The following DNAI2 variants were observed in gnomAD, a reference collection of about 807,000 sequenced individuals.
DNAI2 encodes dynein axonemal intermediate chain 2.
Under a neutral mutation model 74.7 loss-of-function variants are expected in DNAI2, and 63 were observed. The ratio of observed to expected loss-of-function variants is 0.84; its 90% CI spans 0.69 to 1.04. DNAI2 has a LOEUF of 1.04. DNAI2 is among the 50% of genes least tolerant of loss of function. DNAI2 has a pLI of 0.00. For synonymous variants in DNAI2, 289 were observed against 314.9 expected, an observed-to-expected ratio of 0.92 and a Z score of 0.87; for missense variants, 688 against 803.2, an observed-to-expected ratio of 0.86 and a Z score of 1.73.
chr17:74,285,260 G>A, intron 3 of DNAI2, 59 bp downstream of exon 3: 2 of 1,587,802 alleles, frequency 1.3e-6, no homozygotes, highest in South Asian at 2.3e-5. Flanking sequence ...GCTCCCCAAG[G>A]GATGCACTGC....
chr17:74,279,686 C>T (rs2051286004), intron 1 of DNAI2, among the ~76,000 whole-genome samples: 1 of 152,120 alleles, frequency 6.6e-6, no homozygotes, highest in South Asian at 2.1e-4. Flanking sequence ...TGCCACCATG[C>T]CTGGATAATT....
chr17:74,288,550 C>A (rs2051889092), intron 4 of DNAI2, among the ~76,000 whole-genome samples: 1 of 152,180 alleles, frequency 6.6e-6, no homozygotes, highest in Non-Finnish European at 1.5e-5. Context: ...GTGATAGAAT[C>A]AATTTCTGTT....
At chr17:74,284,393 G>T (rs1473291448) in intron 2 of DNAI2, among the ~76,000 whole-genome samples, 1 of 152,096 alleles carries the variant, frequency 6.6e-6, no homozygotes, top group Non-Finnish European at 1.5e-5. Context: ...AGTGAAGAAA[G>T]GCTATTCACT....
chr17:74,298,056 TA>T (rs1486234080), intron 6 of DNAI2, among the ~76,000 whole-genome samples: 3 of 152,204 alleles, frequency 2.0e-5, no homozygotes, highest in Non-Finnish European at 2.9e-5. Flanking sequence ...CCTGCCAAAC[TA>T]TCTGGGTGCC....
intron 1 of DNAI2, 90 bp from the exon 2 acceptor site, chr17:74,281,717 T>G: frequency 1.5e-6 from 2 of 1,342,036 alleles, no homozygotes; most frequent in Non-Finnish European, 2.1e-6. Context: ...CCAACCAGAT[T>G]GAGAACCTGG....
chr17:74,287,630 C>T (rs2051829584), intron 4 of DNAI2, among the ~76,000 whole-genome samples: 1 of 152,164 alleles, frequency 6.6e-6, no homozygotes, highest in Non-Finnish European at 1.5e-5. Flanking sequence ...TCTGGCACAC[C>T]CACACGACGG....
rs772938951 is a variant in DNAI2 at position 74,287,253 on chromosome 17, G to A, written c.467+155G>A. Reference sequence around the variant, plus strand: ...TGACGTGGTGATAAGTCACCCAGCAGAGAAGTGGCCCTGCTCTGGGGGCGG... The same window carrying A: ...TGACGTGGTGATAAGTCACCCAGCAAAGAAGTGGCCCTGCTCTGGGGGCGG... On this transcript the variant is annotated intron_variant, in intron 4 of 13. Transcript: ENST00000311014. 1.1e-4 allele frequency among the ~76,000 whole-genome samples: 17 copies of A among 152,232 alleles called. 1 individual carries two copies. Among genetic ancestry groups the A allele is most frequent in the Non-Finnish European group, 1.3e-4 (9 of 68,042 alleles).
In DNAI2 at chr17:74,312,041, G is replaced by T. The variant is rs150710001; in HGVS notation, c.1533G>T (p.Glu511Asp). 953 of 1,612,012 alleles carry T rather than the reference G, an allele frequency of 5.9e-4. 1 individual carries two copies. Among genetic ancestry groups the T allele is most frequent in the Non-Finnish European group, 7.6e-4 (898 of 1,179,750 alleles). ...ERETRREKIL[E>D]ARHREMRLKE... ...AGACCCGGCGAGAGAAGATCCTGGAGGCCAGGCACCGGGAGATGCGGCTGA... is the reference window on the plus strand; with the variant it reads ...AGACCCGGCGAGAGAAGATCCTGGATGCCAGGCACCGGGAGATGCGGCTGA... The change falls in exon 12 of 14, where the codon GAG becomes GAT. Residue 511 changes from glutamate (E) to aspartate (D), a missense_variant. Transcript: ENST00000311014.
chr17:74,290,610 A>G (rs1421639056), intron 5 of DNAI2, among the ~76,000 whole-genome samples: 1 of 152,208 alleles, frequency 6.6e-6, no homozygotes, highest in Non-Finnish European at 1.5e-5. Context: ...CCAACAGCTC[A>G]GCGAGTTCTG....
chr17:74,293,123 G>C (rs573675457), intron 6 of DNAI2, among the ~76,000 whole-genome samples: 1 of 152,150 alleles, frequency 6.6e-6, no homozygotes, highest in Non-Finnish European at 1.5e-5. Flanking sequence ...GTGAGCCACC[G>C]CACCTGGCCT....
In DNAI2 at chr17:74,300,290, G is replaced by A. The variant is rs12940754; in HGVS notation, c.864+433G>A. On this transcript the variant is annotated intron_variant, in intron 7 of 13. Transcript: ENST00000311014. This position sits in a 1 kb window ranked among gnomAD's most constrained non-coding sequence, Gnocchi z 4.5. ...TTGAGTAGTGATAATACATGCCCACGGAACAGAATCTAAAGGGTGCAAAAA... is the reference window on the plus strand; with the variant it reads ...TTGAGTAGTGATAATACATGCCCACAGAACAGAATCTAAAGGGTGCAAAAA... 0.13 allele frequency among the ~76,000 whole-genome samples: 20,286 copies of A among 152,108 alleles called. 1,666 individuals are homozygous for A. The highest frequency in any genetic ancestry group is 0.19 in the Non-Finnish European group (12,796 of 67,984).
intron 8 of DNAI2, among the ~76,000 whole-genome samples, chr17:74,303,230 AAAC>A: frequency 6.6e-6 from 1 of 152,136 alleles, no homozygotes; most frequent in East Asian, 1.9e-4. Context: ...GCTGGGACTC[AAAC>A]CCAGGGCTCC....
Position 74,274,323 on chromosome 17 carries a change from G to A in DNAI2, c.-34G>A, listed in dbSNP as rs1314181898. On this transcript the variant is annotated 5_prime_UTR_variant, in exon 1 of 14. Coordinates refer to ENST00000311014, the MANE Select transcript of DNAI2 (RefSeq NM_023036.6). ...GATTGAACGCTTCCCCAGAGACCCA[G>A]AAGCAGAAGGAGCGGACCCAGGGTA... is the stretch of plus-strand genomic sequence containing the variant. The A allele has an allele frequency of 1.3e-5, 2 of 152,320 alleles. No individual in the cohort carries two copies. The highest frequency in any genetic ancestry group is 6.5e-5 in the Admixed American group (1 of 15,272). 9.4% of individuals were successfully genotyped at this position (152,320 alleles called of 1,614,324 possible).
rs983850105 is a variant in DNAI2 at position 74,310,006 on chromosome 17, C to G, written c.1348-11C>G. ...TCTCCTCTACCTGGGTCTGCCCGGC[C>G]CCTTCAATAGGTGTGTGACGAGGCC... On this transcript the variant is annotated splice_polypyrimidine_tract_variant and intron_variant, in intron 10 of 13. Coordinates refer to ENST00000311014, the MANE Select transcript of DNAI2 (RefSeq NM_023036.6). The G allele has an allele frequency of 1.2e-6, 2 of 1,613,778 alleles. No homozygotes were observed. Among genetic ancestry groups the G allele is most frequent in the African/African-American group, 2.7e-5 (2 of 75,036 alleles).
intron 3 of DNAI2, among the ~76,000 whole-genome samples, chr17:74,285,970 TAG>T (rs3056091): frequency 0.35 from 51,656 of 146,262 alleles, 9,944 homozygotes; most frequent in Non-Finnish European, 0.46. Flanking sequence ...TATATATATA[TAG>T]AGAGAGAGAG....
intron 6 of DNAI2, among the ~76,000 whole-genome samples, chr17:74,293,661 G>T (rs927709240): frequency 1.3e-4 from 19 of 151,762 alleles, no homozygotes; most frequent in African/African-American, 4.4e-4. Context: ...TCGAGATCAT[G>T]CCACTGAACT....
chr17:74,297,391 C>CTT (rs61180859), intron 6 of DNAI2, among the ~76,000 whole-genome samples: 12 of 127,188 alleles, frequency 9.4e-5, no homozygotes, highest in African/African-American at 2.4e-4. Flanking sequence ...CGTGCCCAGA[C>CTT]TTTTTTTTTT....
Position 74,303,687 on chromosome 17 carries a change from G to C in DNAI2, c.988-1532G>C, listed in dbSNP as rs575242910. 2.0e-5 allele frequency among the ~76,000 whole-genome samples: 3 copies of C among 151,168 alleles called. 1 individual carries two copies. Among genetic ancestry groups the C allele is most frequent in the African/African-American group, 7.3e-5 (3 of 41,102 alleles). ...GGCTCGCTGCAACCTCTGCCTCCCA[G>C]GTTCAAGTGATTCTCGTGCCTCAAC... On this transcript the variant is annotated intron_variant, in intron 8 of 13. Transcript: ENST00000311014.
chr17:74,285,002 C>A (rs376843946), intron 2 of DNAI2, 38 bp from the exon 3 acceptor site: 4 of 1,613,486 alleles, frequency 2.5e-6, no homozygotes, highest in East Asian at 2.2e-5. Flanking sequence ...TGGGAGTATA[C>A]CAGGGTGACG....
Sources: gnomAD v4.1 joint callset for allele counts (sites outside exome capture counted in the v4.1 genomes callset) on GRCh38, gnomAD v4.1.1 for gene constraint, Gnocchi (gnomAD v3.1) non-coding constraint, MANE v1.5 for transcripts, NCBI Gene and HGNC (gene_info 2026-07-23, HGNC 2026-07-21) for gene names.